The following ADAMTSL1 variants were observed in gnomAD, a reference collection of about 807,000 sequenced individuals.
ADAMTSL1 encodes the protein ADAMTS-like protein 1.
Under a neutral mutation model 201.8 loss-of-function variants are expected in ADAMTSL1, and 126 were observed. The observed-to-expected ratio is 0.62, with a 90% CI of 0.54 to 0.72. The LOEUF is 0.72. Among genes scored for constraint, ADAMTSL1 ranks in the 30% least tolerant of loss-of-function variants. The pLI, the probability that ADAMTSL1 is intolerant of heterozygous loss-of-function variation, is 0.00. For synonymous variants in ADAMTSL1, 1,121 were observed against 903.4 expected, an observed-to-expected ratio of 1.24 and a Z score of -4.32; for missense variants, 2,679 against 2,277.8, an observed-to-expected ratio of 1.18 and a Z score of -3.59.
intron 14 of ADAMTSL1, among the ~76,000 whole-genome samples, chr9:18,720,259 C>G (rs1223661882): frequency 6.6e-6 from 1 of 152,204 alleles, no homozygotes; most frequent in Admixed American, 6.5e-5. Flanking sequence ...CCATTTACAA[C>G]TGTATGAACT....
chr9:18,445,766 A>G (rs906062516), intron 2 of ADAMTSL1, among the ~76,000 whole-genome samples: 2 of 152,160 alleles, frequency 1.3e-5, no homozygotes, highest in African/African-American at 2.4e-5. Context: ...ACTTGAATGT[A>G]TTTAGAAAAT....
chr9:18,094,588 C>T (rs1422982767), intron 1 of ADAMTSL1, among the ~76,000 whole-genome samples: 2 of 151,802 alleles, frequency 1.3e-5, no homozygotes, highest in African/African-American at 4.8e-5. Context: ...TCAAATGCCA[C>T]CTAAATCTAA....
intron 15 of ADAMTSL1, among the ~76,000 whole-genome samples, chr9:18,739,545 A>G (rs1249685952): frequency 1.3e-5 from 2 of 152,260 alleles, no homozygotes; most frequent in Non-Finnish European, 2.9e-5. Flanking sequence ...TTCAGGCTTC[A>G]TTCTGATAAT....
chr9:17,958,644 C>T (rs1361281024), intron 1 of ADAMTSL1, among the ~76,000 whole-genome samples: 1 of 152,110 alleles, frequency 6.6e-6, no homozygotes, highest in African/African-American at 2.4e-5. Context: ...GTGTATGACA[C>T]ATACCAGGGA....
At chr9:18,405,682 T>C (rs1257523574) in intron 2 of ADAMTSL1, among the ~76,000 whole-genome samples, 1 of 151,304 alleles carries the variant, frequency 6.6e-6, no homozygotes, top group Non-Finnish European at 1.5e-5. Context: ...AATTTAAAAC[T>C]ATTATGATGG....
In ADAMTSL1 at chr9:18,681,922, G is replaced by C. The variant is rs770838986; in HGVS notation, c.1452G>C (p.Glu484Asp). 3.1e-6 allele frequency: 5 copies of C among 1,614,070 alleles called. No individual in the cohort carries two copies. The highest frequency in any genetic ancestry group is 1.7e-5 in the Admixed American group (1 of 60,010). Residue 484 changes from glutamate (E) to aspartate (D), a missense_variant, in exon 12 of 29, where the codon GAG becomes GAC. Physicochemically the swap from Glu to Asp is conservative, Grantham distance 45. Transcript: ENST00000380548. The stretch of plus-strand genomic sequence containing the variant: ...CAAAAACAAAGCCCCACATAAAAGA[G>C]GAATGCATCGTACCCACTCCCTGCT... ...CSPKTKPHIK[E>D]ECIVPTPCYK...
At chr9:18,524,718 G>A (rs1409551623) in intron 2 of ADAMTSL1, among the ~76,000 whole-genome samples, 1 of 152,054 alleles carries the variant, frequency 6.6e-6, no homozygotes, top group African/African-American at 2.4e-5. Context: ...TTTGTCTTTG[G>A]TTCTGTTTAT....
In ADAMTSL1 at chr9:18,753,404, G is replaced by A. The variant is rs1275882096; in HGVS notation, c.2113G>A (p.Val705Ile). The change falls in exon 16 of 29, where the codon GTC becomes ATC. Residue 705 changes from valine (V) to isoleucine (I), a missense_variant. Physicochemically the swap from Val to Ile is conservative, Grantham distance 29 (BLOSUM62 3). Coordinates refer to ENST00000380548, the MANE Select transcript of ADAMTSL1 (RefSeq NM_001040272.6). ...HLLSREMNET[V>I]ILADELCRQP... Reference sequence around the variant, plus strand: ...GCTTTCCAGAGAGATGAATGAAACAGTCATCCTGGCTGATGAGCTGTGTCG... The same window carrying A: ...GCTTTCCAGAGAGATGAATGAAACAATCATCCTGGCTGATGAGCTGTGTCG... 6.2e-6 allele frequency: 10 copies of A among 1,613,034 alleles called. No individual in the cohort carries two copies. The highest frequency in any genetic ancestry group is 1.7e-5 in the Admixed American group (1 of 59,928).
intron 1 of ADAMTSL1, among the ~76,000 whole-genome samples, chr9:17,937,058 CCTAA>C (rs1162874507): frequency 6.6e-6 from 1 of 152,070 alleles, no homozygotes; most frequent in Non-Finnish European, 1.5e-5. Flanking sequence ...TCTCTGCAGC[CCTAA>C]CTGTTGTCAA....
chr9:18,430,480 G>C (rs1324399347), intron 2 of ADAMTSL1, among the ~76,000 whole-genome samples: 1 of 152,098 alleles, frequency 6.6e-6, no homozygotes, highest in African/African-American at 2.4e-5. Context: ...TTTTCTCCAG[G>C]TGTGTGTTTG....
intron 4 of ADAMTSL1, among the ~76,000 whole-genome samples, chr9:18,616,549 T>C (rs1302545105): frequency 6.6e-6 from 1 of 152,110 alleles, no homozygotes; most frequent in Non-Finnish European, 1.5e-5. Context: ...TACACAAATA[T>C]TCATTGTCTA....
At chr9:17,952,124 T>C (rs925471554) in intron 1 of ADAMTSL1, among the ~76,000 whole-genome samples, 10 of 151,586 alleles carry the variant, frequency 6.6e-5, no homozygotes, top group African/African-American at 1.9e-4. Context: ...TCTTTCTTTT[T>C]TTTTTTTTTT....
At chr9:18,773,944 G>T (rs1392380820) in intron 17 of ADAMTSL1, among the ~76,000 whole-genome samples, 1 of 152,194 alleles carries the variant, frequency 6.6e-6, no homozygotes, top group Admixed American at 6.5e-5. Context: ...CAATGGGTTT[G>T]ATTCTCACCA....
At chr9:18,560,969 T>A (rs1463994179) in intron 3 of ADAMTSL1, among the ~76,000 whole-genome samples, 1 of 151,632 alleles carries the variant, frequency 6.6e-6, no homozygotes. Flanking sequence ...CTGGATTCAT[T>A]GATTTTTTTG....
intron 16 of ADAMTSL1, among the ~76,000 whole-genome samples, chr9:18,756,063 T>A (rs1170984313): frequency 8.7e-6 from 1 of 114,852 alleles, no homozygotes; most frequent in Non-Finnish European, 1.9e-5. Context: ...GGTGAAACCC[T>A]GTCTCTACTG....
chr9:18,714,793 C>T (rs1832818586), intron 14 of ADAMTSL1, among the ~76,000 whole-genome samples: 1 of 151,426 alleles, frequency 6.6e-6, no homozygotes. Context: ...GAGACACAAC[C>T]AAAAGAGAGA....
At chr9:18,460,331 CCT>C (rs1563973972) in intron 2 of ADAMTSL1, among the ~76,000 whole-genome samples, 1 of 152,062 alleles carries the variant, frequency 6.6e-6, no homozygotes, top group African/African-American at 2.4e-5. Context: ...CGGCGAAATC[CCT>C]GTCTGTTTGC....
chr9:18,406,847 T>C (rs1818227965), intron 2 of ADAMTSL1, among the ~76,000 whole-genome samples: 1 of 152,308 alleles, frequency 6.6e-6, no homozygotes, highest in Non-Finnish European at 1.5e-5. Context: ...TTAACAAATG[T>C]GTGCTTGTGG....
At chr9:18,380,920 G>T (rs1837531764) in intron 2 of ADAMTSL1, among the ~76,000 whole-genome samples, 1 of 152,182 alleles carries the variant, frequency 6.6e-6, no homozygotes, top group African/African-American at 2.4e-5. Flanking sequence ...AACCCTTTAT[G>T]CTGAAGGAGC....
Sources: allele counts gnomAD v4.1 joint callset (sites outside exome capture counted in the v4.1 genomes callset), GRCh38; gene constraint gnomAD v4.1.1; transcripts MANE v1.5; gene names NCBI Gene and HGNC (gene_info 2026-07-23, HGNC 2026-07-21).